Variants in SHB observed in about 807,000 individuals in gnomAD.
The protein encoded by SHB is SH2 domain-containing adapter protein B.
SHB carries 20 observed loss-of-function variants against 52.3 expected under a neutral mutation model. That is an observed-to-expected ratio of 0.38 (90% confidence interval 0.27 to 0.56). SHB has a LOEUF of 0.56. Among genes scored for constraint, SHB ranks in the 20% least tolerant of loss-of-function variants. The pLI is 0.71. For missense variants in SHB, 825 were observed against 723.3 expected, an observed-to-expected ratio of 1.14 and a Z score of -1.61; for synonymous variants, 397 against 316.5, an observed-to-expected ratio of 1.25 and a Z score of -2.70.
chr9:37,974,400 G>A (rs1178701048), intron 3 of SHB, among the ~76,000 whole-genome samples: 2 of 152,158 alleles, frequency 1.3e-5, no homozygotes, highest in Admixed American at 1.3e-4. Context: ...CTGGAACACT[G>A]AGACCCTGGA....
chr9:37,942,712 G>C (rs77181999), intron 5 of SHB, among the ~76,000 whole-genome samples: 2,352 of 152,354 alleles, frequency 0.015, 32 homozygotes, highest in Non-Finnish European at 0.023. Flanking sequence ...GAAAGAGATG[G>C]AAGCAGGACT....
At chr9:37,965,963 T>C (rs1010121826) in intron 3 of SHB, among the ~76,000 whole-genome samples, 2 of 152,160 alleles carry the variant, frequency 1.3e-5, no homozygotes, top group African/African-American at 4.8e-5. Context: ...TATGCTGAAC[T>C]TGTTAGGGGC....
At chr9:37,964,277 A>G (rs930492177) in intron 3 of SHB, among the ~76,000 whole-genome samples, 4 of 152,200 alleles carry the variant, frequency 2.6e-5, no homozygotes, top group Non-Finnish European at 4.4e-5. Flanking sequence ...GGCAAGCGGG[A>G]AGGCTGTGAA....
At chr9:37,983,444 A>G (rs1039819931) in intron 2 of SHB, among the ~76,000 whole-genome samples, 1 of 152,122 alleles carries the variant, frequency 6.6e-6, no homozygotes, top group Admixed American at 6.5e-5. Context: ...GCATGGCAGC[A>G]CCCCCAGGAG....
intron 1 of SHB, among the ~76,000 whole-genome samples, chr9:38,035,825 A>G (rs527671828): frequency 6.6e-6 from 1 of 152,258 alleles, no homozygotes; most frequent in East Asian, 1.9e-4. Flanking sequence ...AGCTTTTACA[A>G]TGCACCATGC....
intron 1 of SHB, among the ~76,000 whole-genome samples, chr9:38,062,477 T>C (rs760743362): frequency 6.6e-6 from 1 of 152,192 alleles, no homozygotes; most frequent in Non-Finnish European, 1.5e-5. Context: ...ACCATGCCAG[T>C]TTCCAACCTC....
intron 2 of SHB, among the ~76,000 whole-genome samples, chr9:38,008,921 C>G (rs1016991817): frequency 6.6e-6 from 1 of 152,170 alleles, no homozygotes; most frequent in African/African-American, 2.4e-5. Flanking sequence ...GGAGCAGAGT[C>G]CACGGCACTA....
chr9:37,921,558 A>G (rs912678664), intron 5 of SHB, among the ~76,000 whole-genome samples: 3 of 152,220 alleles, frequency 2.0e-5, no homozygotes, highest in Non-Finnish European at 4.4e-5. Context: ...AGCCAATTAC[A>G]TTTCAAGAGA....
chr9:38,008,671 T>A (rs1821101711), intron 2 of SHB, among the ~76,000 whole-genome samples: 1 of 152,104 alleles, frequency 6.6e-6, no homozygotes, highest in African/African-American at 2.4e-5. Context: ...AGGAAGCCTA[T>A]ATGGGGCCAG....
chr9:37,998,264 G>A (rs1331484811), intron 2 of SHB, among the ~76,000 whole-genome samples: 1 of 152,072 alleles, frequency 6.6e-6, no homozygotes, highest in African/African-American at 2.4e-5. Context: ...ACAGTACTGA[G>A]CTGGACCGCT....
At chr9:37,924,929 C>T (rs1832230019) in intron 5 of SHB, among the ~76,000 whole-genome samples, 2 of 152,224 alleles carry the variant, frequency 1.3e-5, no homozygotes, top group Admixed American at 6.5e-5. Flanking sequence ...CCTCATCTTC[C>T]TCTGCTCAGC....
At chr9:38,006,682 C>T (rs188580507) in intron 2 of SHB, among the ~76,000 whole-genome samples, 203 of 152,332 alleles carry the variant, frequency 1.3e-3, no homozygotes, top group African/African-American at 4.6e-3. Flanking sequence ...GGGGCCTGAG[C>T]CCTCGCTGAC....
chr9:38,016,493 G>A (rs918970848), intron 1 of SHB, among the ~76,000 whole-genome samples: 5 of 152,252 alleles, frequency 3.3e-5, no homozygotes, highest in African/African-American at 1.2e-4. Flanking sequence ...TGGAATGGAA[G>A]TGGAGGAAAA....
At chr9:37,987,905 G>A (rs1820831361) in intron 2 of SHB, among the ~76,000 whole-genome samples, 1 of 151,964 alleles carries the variant, frequency 6.6e-6, no homozygotes, top group African/African-American at 2.4e-5. Flanking sequence ...TAGAGCCAGG[G>A]TCCTCTGCTG....
chr9:38,001,624 C>T (rs1821015095), intron 2 of SHB, among the ~76,000 whole-genome samples: 1 of 152,240 alleles, frequency 6.6e-6, no homozygotes, highest in African/African-American at 2.4e-5. Context: ...AGGTCTTCTG[C>T]GGTCCTGCCT....
At chr9:38,015,911 G>A (rs1211907072) in intron 2 of SHB, 100 bp downstream of exon 2, 17 of 1,162,274 alleles carry the variant, frequency 1.5e-5, no homozygotes, top group Non-Finnish European at 2.0e-5. Context: ...CACACACCAT[G>A]CCCCCAGTGA....
At chr9:38,044,354 A>G (rs1821620274) in intron 1 of SHB, among the ~76,000 whole-genome samples, 1 of 152,206 alleles carries the variant, frequency 6.6e-6, no homozygotes, top group South Asian at 2.1e-4. Flanking sequence ...AACTCTTTCC[A>G]GAAAAGTCTC....
At chr9:37,980,217 C>A (rs911225715) in intron 2 of SHB, among the ~76,000 whole-genome samples, 2 of 152,224 alleles carry the variant, frequency 1.3e-5, no homozygotes, top group African/African-American at 4.8e-5. Context: ...ATTTTACCCA[C>A]GGCAGAACTT....
chr9:37,937,820 G>A (rs1169735972), intron 5 of SHB, among the ~76,000 whole-genome samples: 1 of 152,166 alleles, frequency 6.6e-6, no homozygotes, highest in Non-Finnish European at 1.5e-5. Context: ...ACCCTGGGGT[G>A]GGAGCTGGGA....
Sources: allele counts gnomAD v4.1 joint callset (sites outside exome capture counted in the v4.1 genomes callset), GRCh38; gene constraint gnomAD v4.1.1; transcripts MANE v1.5; gene names NCBI Gene and HGNC (gene_info 2026-07-23, HGNC 2026-07-21).